Variants in CCDC171 observed in about 807,000 individuals in gnomAD.
CCDC171 encodes the protein coiled-coil domain containing 171, also known as coiled-coil domain-containing protein 171.
CCDC171 carries 177 observed loss-of-function variants against 168.2 expected under a neutral mutation model. The observed-to-expected ratio is 1.05, with a 90% CI of 0.93 to 1.19. The LOEUF (loss-of-function observed/expected upper bound fraction) is 1.19, where lower values mean the gene tolerates loss of function less well. Ranked by LOEUF, CCDC171 falls within the 50% of genes most tolerant of loss-of-function variation. The pLI, the probability that CCDC171 is intolerant of heterozygous loss-of-function variation, is 0.00. For synonymous variants in CCDC171, 687 were observed against 540.8 expected, an observed-to-expected ratio of 1.27 and a Z score of -3.75; for missense variants, 1,991 against 1,539.0, an observed-to-expected ratio of 1.29 and a Z score of -4.91.
chr9:15,790,067 C>T (rs958725455), intron 21 of CCDC171, among the ~76,000 whole-genome samples: 49 of 152,252 alleles, frequency 3.2e-4, no homozygotes, highest in African/African-American at 1.0e-3. Flanking sequence ...CATACGTGTG[C>T]ATGTGTGTTT....
rs186072875 is a variant in CCDC171, at chr9:15,566,509, A to G, written c.41+2380A>G. On this transcript the variant is annotated intron_variant, in intron 2 of 25. Transcript: ENST00000380701. ...GGGAGGCGGAGATTGCAGTGAGCCT[A>G]GATCATGCCACTGTACTTGAGCCAG... Among the ~76,000 whole-genome samples, 46 of 152,350 alleles carry G rather than the reference A, an allele frequency of 3.0e-4. 1 individual carries two copies. Among genetic ancestry groups the G allele is most frequent in the Admixed American group, 1.8e-3 (28 of 15,306 alleles).
intron 24 of CCDC171, among the ~76,000 whole-genome samples, chr9:15,910,892 C>A (rs1249863190): frequency 1.3e-5 from 2 of 152,136 alleles, no homozygotes; most frequent in African/African-American, 4.8e-5. Context: ...TTTTTTATGG[C>A]TGCATAGTAT....
At position 15,628,236 on chromosome 9, in the gene CCDC171, T is replaced by C. The variant is rs561936216; in HGVS notation, c.822+4823T>C. Among the ~76,000 whole-genome samples the C allele has an allele frequency of 8.6e-5, 13 of 151,550 alleles. No homozygotes were observed. The East Asian group carries it at 1.4e-3, about 16-fold the overall frequency. On this transcript the variant is annotated intron_variant, in intron 7 of 25. Coordinates refer to ENST00000380701, the MANE Select transcript of CCDC171 (RefSeq NM_173550.4). ...GAAGCAGGGCGAGGCATTGCCTTAC[T>C]CGGGAAGCGCAAGGGGTCACGGAGT...
At chr9:15,961,799 G>A (rs531198047) in intron 25 of CCDC171, among the ~76,000 whole-genome samples, 1 of 152,156 alleles carries the variant, frequency 6.6e-6, no homozygotes, top group East Asian at 1.9e-4. Flanking sequence ...CGTACTTACT[G>A]TAGGTAATTT....
At chr9:15,797,787 T>C (rs2058633035) in intron 21 of CCDC171, among the ~76,000 whole-genome samples, 1 of 152,206 alleles carries the variant, frequency 6.6e-6, no homozygotes, top group African/African-American at 2.4e-5. Flanking sequence ...ATTTTACCTT[T>C]TTGACAATTA....
the CCDC171 span, among the ~76,000 whole-genome samples, chr9:16,105,153 T>C: frequency 6.6e-6 from 1 of 152,214 alleles, no homozygotes; most frequent in South Asian, 2.1e-4. Flanking sequence ...ACACATCCTA[T>C]GAGACGGCAG....
chr9:15,760,822 G>C (rs2056401332), intron 18 of CCDC171, among the ~76,000 whole-genome samples: 1 of 152,080 alleles, frequency 6.6e-6, no homozygotes, highest in African/African-American at 2.4e-5. Flanking sequence ...TTTTCATGTT[G>C]CCTCTGTAAA....
intron 25 of CCDC171, among the ~76,000 whole-genome samples, chr9:15,931,456 C>CTT (rs57124025): frequency 0.014 from 622 of 44,978 alleles, 12 homozygotes; most frequent in Admixed American, 0.02. Flanking sequence ...TTCTTTCTTT[C>CTT]TTTTTTTTTT....
chr9:16,074,953 G>A, the CCDC171 span, among the ~76,000 whole-genome samples: 1 of 152,132 alleles, frequency 6.6e-6, no homozygotes, highest in Admixed American at 6.5e-5. Context: ...TGTGCTTTTG[G>A]AGGTGTGTCA....
At chr9:15,933,497 C>G (rs1826761677) in intron 25 of CCDC171, among the ~76,000 whole-genome samples, 1 of 151,802 alleles carries the variant, frequency 6.6e-6, no homozygotes, top group South Asian at 2.1e-4. Context: ...TTTTCTTAGT[C>G]TCTACTTTTA....
intron 16 of CCDC171, among the ~76,000 whole-genome samples, chr9:15,739,250 A>G (rs1229520749): frequency 6.6e-6 from 1 of 152,200 alleles, no homozygotes; most frequent in African/African-American, 2.4e-5. Flanking sequence ...GATCGAAGGC[A>G]AAGGAGCCGG....
At chr9:15,742,081 T>TC (rs980132155) in intron 16 of CCDC171, among the ~76,000 whole-genome samples, 1 of 152,038 alleles carries the variant, frequency 6.6e-6, no homozygotes, top group Admixed American at 6.6e-5. Flanking sequence ...AATTTTCTTT[T>TC]TTTTCTCTAA....
At chr9:16,095,146 A>G in the CCDC171 span, among the ~76,000 whole-genome samples, 4 of 152,184 alleles carry the variant, frequency 2.6e-5, no homozygotes, top group African/African-American at 7.2e-5. Flanking sequence ...TCTGAGTCTC[A>G]GGTATTTCTT....
rs541862425 is a variant in CCDC171, at chr9:16,000,289, C to G, written n.369-20300C>G. Among the ~76,000 whole-genome samples, 31 of 152,214 alleles carry G rather than the reference C, an allele frequency of 2.0e-4. No homozygotes were observed. In the South Asian group the frequency reaches 6.4e-3, roughly 32 times the overall value. The stretch of plus-strand genomic sequence containing the variant: ...AAGCCTTTTCTTTCCGTATTATTCT[C>G]TATAGAATAAGTTTCAAAAACAAGG... On this transcript the variant is annotated intron_variant and non_coding_transcript_variant, in intron 3 of 9. Transcript: ENST00000486641.
chr9:15,944,310 G>A (rs1484832671), intron 25 of CCDC171, among the ~76,000 whole-genome samples: 2 of 151,892 alleles, frequency 1.3e-5, no homozygotes, highest in Admixed American at 6.6e-5. Context: ...GTGACCACTG[G>A]AAAGTATCTT....
intron 25 of CCDC171, among the ~76,000 whole-genome samples, chr9:15,962,047 C>G (rs1286597991): frequency 6.6e-6 from 1 of 152,092 alleles, no homozygotes; most frequent in Non-Finnish European, 1.5e-5. Flanking sequence ...TATCATGACA[C>G]ATAAAATTTA....
chr9:15,976,492 T>G (rs1269214566), downstream of CCDC171, among the ~76,000 whole-genome samples: 1 of 152,112 alleles, frequency 6.6e-6, no homozygotes, highest in East Asian at 1.9e-4. Flanking sequence ...TTCCTACAGT[T>G]TTAAAAAGAT....
intron 21 of CCDC171, among the ~76,000 whole-genome samples, chr9:15,812,810 G>A (rs1400079702): frequency 6.6e-6 from 1 of 152,152 alleles, no homozygotes; most frequent in Non-Finnish European, 1.5e-5. Context: ...TCCTTTCTCT[G>A]AATGGGAGTG....
intron 11 of CCDC171, among the ~76,000 whole-genome samples, chr9:15,716,961 C>G (rs2053129137): frequency 6.6e-6 from 1 of 152,186 alleles, no homozygotes; most frequent in Admixed American, 6.5e-5. Flanking sequence ...CAGTGATCAT[C>G]ACCCCCACAG....
Sources: gnomAD v4.1 joint callset for allele counts (sites outside exome capture counted in the v4.1 genomes callset) on GRCh38, gnomAD v4.1.1 for gene constraint, MANE v1.5 for transcripts, NCBI Gene and HGNC (gene_info 2026-07-23, HGNC 2026-07-21) for gene names.